Variants in PHLDB2 observed in about 807,000 individuals in gnomAD.
PHLDB2 encodes the protein pleckstrin homology like domain family B member 2.
PHLDB2 carries 71 observed loss-of-function variants against 123.6 expected under a neutral mutation model. The observed-to-expected ratio is 0.57, with a 90% CI of 0.47 to 0.70. PHLDB2 has a LOEUF of 0.70. Among genes scored for constraint, PHLDB2 ranks in the 30% least tolerant of loss-of-function variants. The pLI is 0.00. For synonymous variants in PHLDB2, 547 were observed against 541.6 expected (o/e 1.01, Z -0.14); for missense variants, 1,446 against 1,519.5 (o/e 0.95, Z 0.80).
At chr3:111,853,385 TTATC>T (rs2064344941) in intron 2 of PHLDB2, among the ~76,000 whole-genome samples, 1 of 152,198 alleles carries the variant, frequency 6.6e-6, no homozygotes, top group Non-Finnish European at 1.5e-5. Context: ...GAGAGACAAT[TTATC>T]TAAGTACTAA....
At chr3:111,769,102 A>G (rs925343265) in intron 1 of PHLDB2, among the ~76,000 whole-genome samples, 3 of 152,220 alleles carry the variant, frequency 2.0e-5, no homozygotes, top group African/African-American at 7.2e-5. Flanking sequence ...ATTTAACAGA[A>G]CTTTTATTTA....
intron 2 of PHLDB2, among the ~76,000 whole-genome samples, chr3:111,895,847 A>AT (rs1491314529): frequency 0.013 from 1,424 of 110,072 alleles, 23 homozygotes; most frequent in African/African-American, 0.048. Flanking sequence ...AAACTCAGTC[A>AT]AAAAAAAAAA....
chr3:111,740,591 C>G (rs1243730341), intron 1 of PHLDB2, among the ~76,000 whole-genome samples: 1 of 152,144 alleles, frequency 6.6e-6, no homozygotes, highest in Non-Finnish European at 1.5e-5. Context: ...TAGGTAGTCT[C>G]TTGGGAAGAA....
At chr3:111,745,585 C>T (rs1382991503) in intron 1 of PHLDB2, among the ~76,000 whole-genome samples, 1 of 152,038 alleles carries the variant, frequency 6.6e-6, no homozygotes, top group East Asian at 1.9e-4. Context: ...ACAGGCAAGA[C>T]ACCGTCTCTA....
intron 2 of PHLDB2, among the ~76,000 whole-genome samples, chr3:111,903,347 C>T (rs1329142582): frequency 3.3e-5 from 5 of 152,138 alleles, no homozygotes; most frequent in African/African-American, 1.2e-4. Flanking sequence ...TAATGTGTTG[C>T]TCTGTAGTGG....
chr3:111,932,929 A>T (rs372063531), intron 6 of PHLDB2, among the ~76,000 whole-genome samples: 1 of 152,274 alleles, frequency 6.6e-6, no homozygotes, highest in South Asian at 2.1e-4. Flanking sequence ...CCCAAGATGC[A>T]GGGCATTACA....
chr3:111,911,677 A>G, intron 2 of PHLDB2: 1 of 1,536,352 alleles, frequency 6.5e-7, no homozygotes, highest in Non-Finnish European at 8.7e-7. Context: ...AGAGGCCATG[A>G]GGACGGAGCT....
intron 1 of PHLDB2, among the ~76,000 whole-genome samples, chr3:111,867,874 G>T (rs2065158656): frequency 6.7e-6 from 1 of 150,294 alleles, no homozygotes; most frequent in African/African-American, 2.5e-5. Context: ...GCTAATTTTT[G>T]TATATTTTGT....
intron 1 of PHLDB2, among the ~76,000 whole-genome samples, chr3:111,799,651 T>A (rs2061309000): frequency 1.3e-5 from 2 of 152,190 alleles, no homozygotes; most frequent in Non-Finnish European, 2.9e-5. Flanking sequence ...TTTCTTAAAA[T>A]CAAATTATAA....
At chr3:111,740,973 G>C (rs1009879226) in intron 1 of PHLDB2, among the ~76,000 whole-genome samples, 1 of 151,570 alleles carries the variant, frequency 6.6e-6, no homozygotes, top group East Asian at 1.9e-4. Flanking sequence ...TATGAACAAT[G>C]ATGACAAGGT....
chr3:111,908,477 A>G (rs2067685572), intron 2 of PHLDB2, among the ~76,000 whole-genome samples: 3 of 152,216 alleles, frequency 2.0e-5, no homozygotes, highest in Non-Finnish European at 4.4e-5. Flanking sequence ...GGGTTAAAAG[A>G]GGCCTCTGCT....
chr3:111,869,717 G>A (rs577001086), intron 1 of PHLDB2, among the ~76,000 whole-genome samples: 2 of 152,148 alleles, frequency 1.3e-5, no homozygotes, highest in African/African-American at 4.8e-5. Context: ...GTGTGTGTGT[G>A]TGTGTGTGTG....
At chr3:111,836,236 T>G (rs1281529145) in intron 1 of PHLDB2, among the ~76,000 whole-genome samples, 1 of 152,186 alleles carries the variant, frequency 6.6e-6, no homozygotes, top group African/African-American at 2.4e-5. Context: ...ATGTGTTCAC[T>G]GAAGTTATGA....
At chr3:111,962,535 T>A (rs1168440879) in intron 13 of PHLDB2, among the ~76,000 whole-genome samples, 1 of 152,222 alleles carries the variant, frequency 6.6e-6, no homozygotes, top group Non-Finnish European at 1.5e-5. Flanking sequence ...GTTTCCACCT[T>A]TATCCTGTTT....
intron 2 of PHLDB2, among the ~76,000 whole-genome samples, chr3:111,888,190 TAAGG>T (rs2066284403): frequency 1.3e-5 from 2 of 152,046 alleles, no homozygotes; most frequent in African/African-American, 2.4e-5. Context: ...AAAATTATCT[TAAGG>T]AAGGGCAACT....
At chr3:111,900,364 T>A (rs896585686) in intron 2 of PHLDB2, among the ~76,000 whole-genome samples, 1 of 152,224 alleles carries the variant, frequency 6.6e-6, no homozygotes, top group South Asian at 2.1e-4. Context: ...AGCTTAATCG[T>A]TTCTAGCTTT....
chr3:111,796,899 C>G (rs2061184026), intron 1 of PHLDB2, among the ~76,000 whole-genome samples: 1 of 152,206 alleles, frequency 6.6e-6, no homozygotes, highest in African/African-American at 2.4e-5. Context: ...AAATTCTTAT[C>G]AAGATTTACA....
At chr3:111,947,748 A>G (rs1022625207) in intron 9 of PHLDB2, among the ~76,000 whole-genome samples, 4 of 152,200 alleles carry the variant, frequency 2.6e-5, no homozygotes, top group Non-Finnish European at 4.4e-5. Context: ...ACTTTACGTG[A>G]TATCTATCCT....
chr3:111,886,474 A>C (rs1197821957), intron 2 of PHLDB2, among the ~76,000 whole-genome samples: 1 of 150,576 alleles, frequency 6.6e-6, no homozygotes, highest in Non-Finnish European at 1.5e-5. Context: ...CTCATCAGCT[A>C]TCGTTAGTGT....
Sources: gnomAD v4.1 joint callset for allele counts (sites outside exome capture counted in the v4.1 genomes callset) on GRCh38, gnomAD v4.1.1 for gene constraint, MANE v1.5 for transcripts, NCBI Gene and HGNC (gene_info 2026-07-23, HGNC 2026-07-21) for gene names.